The following PTPN4 variants were observed in gnomAD, a reference collection of about 807,000 sequenced individuals.
PTPN4 encodes the protein protein tyrosine phosphatase non-receptor type 4.
In PTPN4, 49 loss-of-function variants were observed where a neutral mutation model predicts 135.5. The ratio of observed to expected loss-of-function variants is 0.36; its 90% CI spans 0.29 to 0.46. The LOEUF is 0.46. Among genes scored for constraint, PTPN4 ranks in the 20% least tolerant of loss-of-function variants. The pLI, the probability that PTPN4 is intolerant of heterozygous loss-of-function variation, is 1.00. For synonymous variants in PTPN4, 333 were observed against 369.9 expected, an observed-to-expected ratio of 0.90 and a Z score of 1.14; for missense variants, 860 against 1,101.0, an observed-to-expected ratio of 0.78 and a Z score of 3.10.
intron 1 of PTPN4, among the ~76,000 whole-genome samples, chr2:119,808,410 A>T (rs1414051733): frequency 2.6e-5 from 4 of 152,188 alleles, no homozygotes; most frequent in African/African-American, 9.6e-5. Flanking sequence ...TGCAAAAATC[A>T]CAAGCATTCC....
chr2:119,782,109 A>G lies in PTPN4; in HGVS notation c.-18+21725A>G, dbSNP rs113822533. Among the ~76,000 whole-genome samples the G allele has an allele frequency of 8.3e-3, 1,257 of 152,260 alleles. 17 individuals carry two copies. Among genetic ancestry groups the G allele is most frequent in the African/African-American group, 0.026 (1,063 of 41,536 alleles). On this transcript the variant is annotated intron_variant, in intron 1 of 26. Transcript: ENST00000263708. The stretch of plus-strand genomic sequence containing the variant: ...GGATAACCACTAGCCAAATGTAGCC[A>G]TTTAAATTAAATATAAAAAATTCTT...
At chr2:119,966,658 A>T (rs1003843014) in intron 25 of PTPN4, among the ~76,000 whole-genome samples, 3 of 152,196 alleles carry the variant, frequency 2.0e-5, no homozygotes, top group Non-Finnish European at 4.4e-5. Context: ...TTACAGCCTA[A>T]TATTTAGATT....
At chr2:119,863,418 A>G (rs958474741) in intron 3 of PTPN4, among the ~76,000 whole-genome samples, 6 of 152,142 alleles carry the variant, frequency 3.9e-5, no homozygotes, top group African/African-American at 1.4e-4. Flanking sequence ...GAGGATCTCC[A>G]TTTTGAAGGG....
intron 1 of PTPN4, among the ~76,000 whole-genome samples, chr2:119,801,684 G>T (rs937054799): frequency 3.9e-5 from 6 of 152,000 alleles, no homozygotes; most frequent in African/African-American, 1.4e-4. Flanking sequence ...ACTGTATTTT[G>T]TTTGACTCCT....
At chr2:119,841,346 T>C (rs563079706) in intron 2 of PTPN4, among the ~76,000 whole-genome samples, 63 of 152,318 alleles carry the variant, frequency 4.1e-4, no homozygotes, top group African/African-American at 9.6e-4. Context: ...CATGTATGTG[T>C]CTATGTGTGT....
At chr2:119,839,906 T>C (rs929161687) in intron 2 of PTPN4, among the ~76,000 whole-genome samples, 2 of 152,352 alleles carry the variant, frequency 1.3e-5, no homozygotes, top group Middle Eastern at 3.4e-3. Flanking sequence ...ATTTGTGACT[T>C]ATTGACAGGC....
intron 1 of PTPN4, among the ~76,000 whole-genome samples, chr2:119,805,260 C>T (rs1310007207): frequency 1.3e-5 from 2 of 152,098 alleles, no homozygotes; most frequent in African/African-American, 4.8e-5. Context: ...ATGGTAGTTT[C>T]TTTTGCTGTG....
intron 25 of PTPN4, 144 bp downstream of exon 25, chr2:119,965,789 A>G (rs1424259349): frequency 1.1e-5 from 10 of 941,646 alleles, no homozygotes; most frequent in Non-Finnish European, 1.2e-5. Flanking sequence ...GAGGCAAAGG[A>G]TATGTTCTAA....
intron 2 of PTPN4, among the ~76,000 whole-genome samples, chr2:119,859,087 T>TTTATATCTTTTATA (rs1677722352): frequency 6.6e-6 from 1 of 152,176 alleles, no homozygotes; most frequent in South Asian, 2.1e-4. Context: ...TTGCATTTGG[T>TTTATATCTTTTATA]TCTTTTATAT....
chr2:119,967,885 G>A lies in PTPN4; in HGVS notation c.2607G>A (p.Met869Ile), dbSNP rs1325199366. Residue 869 changes from methionine (M) to isoleucine (I), a missense_variant, in exon 26 of 27, where the codon ATG (methionine) becomes ATA (isoleucine). By Grantham distance (10) the Met-to-Ile change is conservative. Transcript: ENST00000263708. ...TGVLITMETA[M>I]CLIECNQPVY... ...TTCTTATTACTATGGAAACAGCCAT[G>A]TGTCTCATTGAATGCAATCAGCCAG... 5 of 1,611,796 alleles carry A rather than the reference G, an allele frequency of 3.1e-6. No individual in the cohort carries two copies. The highest frequency in any genetic ancestry group is 4.2e-6 in the Non-Finnish European group (5 of 1,178,476).
At chr2:119,803,158 CTA>C (rs1262703448) in intron 1 of PTPN4, among the ~76,000 whole-genome samples, 1 of 152,020 alleles carries the variant, frequency 6.6e-6, no homozygotes. Flanking sequence ...TTGATTTTCT[CTA>C]TTTTTATTTT....
intron 10 of PTPN4, among the ~76,000 whole-genome samples, chr2:119,912,612 A>C (rs1311230460): frequency 6.6e-6 from 1 of 152,144 alleles, no homozygotes; most frequent in African/African-American, 2.4e-5. Flanking sequence ...ACAAGTAGCA[A>C]AAAAAATTAT....
intron 1 of PTPN4, among the ~76,000 whole-genome samples, chr2:119,770,902 C>T (rs553859305): frequency 1.4e-5 from 2 of 141,798 alleles, no homozygotes; most frequent in South Asian, 4.5e-4. Flanking sequence ...TTTTTTGAGA[C>T]GGAGTCTCGC....
chr2:119,787,885 T>A (rs1230915450), intron 1 of PTPN4, among the ~76,000 whole-genome samples: 1 of 152,166 alleles, frequency 6.6e-6, no homozygotes, highest in Non-Finnish European at 1.5e-5. Context: ...GTATGTGTGG[T>A]GAGTAGAAGA....
chr2:119,895,790 G>A (rs1678313815), intron 9 of PTPN4, among the ~76,000 whole-genome samples: 1 of 151,946 alleles, frequency 6.6e-6, no homozygotes, highest in African/African-American at 2.4e-5. Context: ...GCGCGGTGGC[G>A]GGCTCAGTCC....
chr2:119,788,189 C>T (rs1691079912), intron 1 of PTPN4, among the ~76,000 whole-genome samples: 1 of 151,932 alleles, frequency 6.6e-6, no homozygotes, highest in African/African-American at 2.4e-5. Flanking sequence ...CAAATTTTGA[C>T]AGGGCTTTTG....
chr2:119,808,020 CA>C (rs1414927504), intron 1 of PTPN4, among the ~76,000 whole-genome samples: 1 of 152,184 alleles, frequency 6.6e-6, no homozygotes, highest in Admixed American at 6.5e-5. Flanking sequence ...TGACAAAATT[CA>C]ACAGCCTTTC....
intron 13 of PTPN4, 91 bp from the exon 14 acceptor site, chr2:119,932,333 C>G: frequency 1.6e-6 from 2 of 1,289,080 alleles, no homozygotes; most frequent in South Asian, 1.6e-5. Flanking sequence ...TCATCTAGAA[C>G]ATAATCTCTG....
chr2:119,919,500 A>G (rs1185046326), intron 11 of PTPN4, among the ~76,000 whole-genome samples: 1 of 152,180 alleles, frequency 6.6e-6, no homozygotes, highest in Non-Finnish European at 1.5e-5. Flanking sequence ...TCTAACTATG[A>G]TCTAAGGTTA....
Sources: allele counts gnomAD v4.1 joint callset (sites outside exome capture counted in the v4.1 genomes callset), GRCh38; gene constraint gnomAD v4.1.1; transcripts MANE v1.5; gene names NCBI Gene and HGNC (gene_info 2026-07-23, HGNC 2026-07-21).